MID2: variants seen among roughly 807,000 people sequenced by gnomAD.
MID2 encodes the protein midline 2.
Under a neutral mutation model 46.1 loss-of-function variants are expected in MID2, and 13 were observed. The observed-to-expected ratio is 0.28, with a 90% confidence interval of 0.18 to 0.45. The LOEUF (loss-of-function observed/expected upper bound fraction) is 0.45, where lower values mean the gene tolerates loss of function less well. MID2 is among the 20% of genes least tolerant of loss of function. MID2 has a pLI of 1.00. For synonymous variants in MID2, 199 were observed against 212.3 expected (o/e 0.94, Z 0.55); for missense variants, 431 against 575.4 (o/e 0.75, Z 2.57).
intron 2 of MID2, among the ~76,000 whole-genome samples, chrX:107,847,044 C>G (rs1007656475): frequency 8.9e-6 from 1 of 111,978 alleles, no homozygotes; most frequent in African/African-American, 3.2e-5. Flanking sequence ...TGATAATGGC[C>G]TTCAAGTTCA....
At chrX:107,844,404 C>T (rs1931415590) in intron 2 of MID2, among the ~76,000 whole-genome samples, 1 of 111,276 alleles carries the variant, frequency 9.0e-6, no homozygotes, top group Non-Finnish European at 1.9e-5. Context: ...AGCAGTAAGT[C>T]CTATCAGAGT....
intron 3 of MID2, among the ~76,000 whole-genome samples, chrX:107,889,055 G>A (rs1404018784): frequency 9.0e-6 from 1 of 111,112 alleles, no homozygotes; most frequent in Admixed American, 9.6e-5. Context: ...GCACACTGAT[G>A]GGTCTTGACT....
intron 3 of MID2, among the ~76,000 whole-genome samples, chrX:107,902,196 T>C (rs1034219051): frequency 8.9e-6 from 1 of 111,930 alleles, no homozygotes; most frequent in African/African-American, 3.2e-5. Context: ...TTTTGAGGAT[T>C]GAGAGAGCCA....
chrX:107,857,527 C>A (rs910769137), intron 3 of MID2, among the ~76,000 whole-genome samples: 11 of 111,858 alleles, frequency 9.8e-5, no homozygotes, highest in Admixed American at 1.9e-4. Context: ...GCAATCCACC[C>A]GCCTTGGCCT....
At position 107,917,673 on chromosome X, in the gene MID2, C is replaced by A. The variant is rs763364423; in HGVS notation, c.1369C>A (p.Leu457Met). The A allele has an allele frequency of 9.1e-6, 11 of 1,211,989 alleles. No individual in the cohort carries two copies. The highest frequency in any genetic ancestry group is 3.5e-5 in the South Asian group (2 of 57,003). ...FISKSWCSWG[L>M]WPEIRKCKEA... ...CAGTAAGTCATGGTGTAGTTGGGGC[C>A]TGTGGCCAGAGATAAGGAAATGTAA... is the stretch of plus-strand genomic sequence containing the variant. Residue 457 changes from leucine to methionine, a missense_variant, in exon 7 of 10, where the codon CTG (leucine) becomes ATG (methionine). Transcript: ENST00000262843.
chrX:107,865,670 G>C (rs1478602204), intron 3 of MID2, among the ~76,000 whole-genome samples: 9 of 111,070 alleles, frequency 8.1e-5, no homozygotes, highest in African/African-American at 2.9e-4. Context: ...GAGAAACATT[G>C]ACTCTTTCCT....
chrX:107,828,358 C>T (rs1229251730), intron 1 of MID2, among the ~76,000 whole-genome samples: 1 of 96,146 alleles, frequency 1.0e-5, no homozygotes, highest in Non-Finnish European at 2.0e-5. Flanking sequence ...GTTACCCAGG[C>T]TGGAGTGCAG....
At chrX:107,851,223 A>G (rs1421508084) in intron 2 of MID2, among the ~76,000 whole-genome samples, 1 of 110,979 alleles carries the variant, frequency 9.0e-6, no homozygotes, top group Non-Finnish European at 1.9e-5. Context: ...CTTATGGCCA[A>G]ATTTTTGAAG....
intron 3 of MID2, among the ~76,000 whole-genome samples, chrX:107,890,245 G>C (rs970780823): frequency 1.2e-4 from 13 of 111,660 alleles, no homozygotes; most frequent in Non-Finnish European, 2.3e-4. Context: ...CTATCTTTGT[G>C]GTTTTATCTT....
chrX:107,854,564 C>T (rs1931700215), intron 2 of MID2, 45 bp from the exon 3 acceptor site: 4 of 967,509 alleles, frequency 4.1e-6, no homozygotes, highest in South Asian at 4.0e-5. Flanking sequence ...TCTTTTTTCC[C>T]CTCTTCTCGG....
At chrX:107,922,607 A>T (rs1315943567) in intron 7 of MID2, among the ~76,000 whole-genome samples, 1 of 111,652 alleles carries the variant, frequency 9.0e-6, no homozygotes, top group Non-Finnish European at 1.9e-5. Context: ...AACTTCATGA[A>T]TTTTTTATTT....
rs949977920 is a variant in MID2, at chrX:107,928,048, TA to T, written c.*984del. 2.4e-4 allele frequency among the ~76,000 whole-genome samples: 27 copies of T among 110,227 alleles called. No individual in the cohort carries two copies. Among genetic ancestry groups the T allele is most frequent in the Admixed American group, 8.7e-4 (9 of 10,323 alleles). On this transcript the variant is annotated 3_prime_UTR_variant, in exon 10 of 10. Transcript: ENST00000262843. ...TGTTAAAAATTCTGTCATAGACTAT[TA>T]AAAAAAAAGTTTTACTACTCCCAAG...
intron 1 of MID2, among the ~76,000 whole-genome samples, chrX:107,832,742 T>A (rs1279058427): frequency 1.8e-5 from 2 of 112,060 alleles, no homozygotes; most frequent in East Asian, 5.6e-4. Context: ...GTGGCTATTA[T>A]CAATTATTAT....
At chrX:107,891,920 T>A (rs1932615499) in intron 3 of MID2, among the ~76,000 whole-genome samples, 1 of 111,671 alleles carries the variant, frequency 9.0e-6, no homozygotes, top group Non-Finnish European at 1.9e-5. Flanking sequence ...CTGTTTTCTG[T>A]CTGCCTGGAA....
intron 3 of MID2, among the ~76,000 whole-genome samples, chrX:107,902,437 A>C (rs1932802383): frequency 9.0e-6 from 1 of 111,434 alleles, no homozygotes; most frequent in African/African-American, 3.3e-5. Context: ...TGAGCTGGTG[A>C]GATATCTGCC....
intron 3 of MID2, among the ~76,000 whole-genome samples, chrX:107,876,136 GGTGC>G (rs1932195091): frequency 1.8e-5 from 2 of 111,193 alleles, no homozygotes; most frequent in Middle Eastern, 9.3e-3. Flanking sequence ...GCAGTTAACA[GGTGC>G]ACCTCAGGAA....
intron 3 of MID2, among the ~76,000 whole-genome samples, chrX:107,861,281 A>G (rs1020382643): frequency 8.9e-6 from 1 of 111,839 alleles, no homozygotes; most frequent in Non-Finnish European, 1.9e-5. Flanking sequence ...CGCAAATATG[A>G]AGATGGAACA....
At chrX:107,899,610 A>G (rs1243140162) in intron 3 of MID2, among the ~76,000 whole-genome samples, 1 of 111,824 alleles carries the variant, frequency 8.9e-6, no homozygotes, top group African/African-American at 3.3e-5. Context: ...AGTGTTTAGG[A>G]CTTGGAAGAT....
At chrX:107,865,160 A>C (rs911551495) in intron 3 of MID2, among the ~76,000 whole-genome samples, 1 of 112,099 alleles carries the variant, frequency 8.9e-6, no homozygotes, top group Non-Finnish European at 1.9e-5. Context: ...ATTAAAAAAG[A>C]TGGGCAAAAC....
Sources: allele counts gnomAD v4.1 joint callset (sites outside exome capture counted in the v4.1 genomes callset), GRCh38; gene constraint gnomAD v4.1.1; transcripts MANE v1.5; gene names NCBI Gene and HGNC (gene_info 2026-07-23, HGNC 2026-07-21).